The following RGS3 variants were observed in gnomAD, a reference collection of about 807,000 sequenced individuals.
The protein encoded by RGS3 is regulator of G-protein signalling 3.
Under a neutral mutation model 132.6 loss-of-function variants are expected in RGS3, and 80 were observed. The ratio of observed to expected loss-of-function variants is 0.60; its 90% CI spans 0.50 to 0.73. RGS3 has a LOEUF of 0.73. RGS3 is among the 30% of genes least tolerant of loss of function. RGS3 has a pLI of 0.00. For synonymous variants in RGS3, 598 were observed against 620.6 expected, an observed-to-expected ratio of 0.96 and a Z score of 0.54; for missense variants, 1,382 against 1,530.8, an observed-to-expected ratio of 0.90 and a Z score of 1.62.
chr9:113,510,635 T>C (rs1345072928), intron 14 of RGS3, among the ~76,000 whole-genome samples: 1 of 152,180 alleles, frequency 6.6e-6, no homozygotes, highest in Non-Finnish European at 1.5e-5. Flanking sequence ...GTCTCCCTTC[T>C]GTGCTCCCAG....
chr9:113,551,505 C>T (rs1182378171), intron 19 of RGS3, among the ~76,000 whole-genome samples: 3 of 152,128 alleles, frequency 2.0e-5, no homozygotes, highest in African/African-American at 7.2e-5. Context: ...ATAGCTGGGC[C>T]AAATGGTAAC....
intron 19 of RGS3, among the ~76,000 whole-genome samples, chr9:113,563,758 T>C (rs1489879441): frequency 1.3e-5 from 2 of 152,096 alleles, no homozygotes; most frequent in African/African-American, 4.8e-5. Flanking sequence ...ATAAAGAATG[T>C]TTTCTTGTAG....
intron 6 of RGS3, among the ~76,000 whole-genome samples, chr9:113,485,233 G>A (rs1473870112): frequency 3.3e-5 from 5 of 152,112 alleles, no homozygotes; most frequent in South Asian, 2.1e-4. Context: ...GACTACAGGC[G>A]CCTGCCGCCA....
chr9:113,464,619 G>A (rs1424015686), intron 3 of RGS3, among the ~76,000 whole-genome samples: 2 of 152,222 alleles, frequency 1.3e-5, no homozygotes, highest in African/African-American at 2.4e-5. Flanking sequence ...GCAACTCTCT[G>A]TGGAGAGGGG....
At chr9:113,485,336 A>G (rs1830299332) in intron 6 of RGS3, among the ~76,000 whole-genome samples, 1 of 151,542 alleles carries the variant, frequency 6.6e-6, no homozygotes, top group Admixed American at 6.6e-5. Context: ...TGATCCGCCC[A>G]CCTCTGTCTC....
At chr9:113,514,324 G>A (rs768926611) in intron 14 of RGS3, 134 bp from the exon 13 acceptor site, 11 of 773,926 alleles carry the variant, frequency 1.4e-5, no homozygotes, top group Non-Finnish European at 1.9e-5. Context: ...AGCATCGTGC[G>A]CAGGGCCTGG....
At position 113,463,833 on chromosome 9, in the gene RGS3, G is replaced by A. The variant is rs750280855; in HGVS notation, c.415+1632G>A. 1.9e-6 allele frequency: 3 copies of A among 1,612,794 alleles called. No homozygotes were observed. Among genetic ancestry groups the A allele is most frequent in the East Asian group, 4.5e-5 (2 of 44,832 alleles). On this transcript the variant is annotated intron_variant, in intron 3 of 24. Coordinates refer to ENST00000350696, the Ensembl canonical transcript of RGS3. This position sits in a 1 kb window ranked among gnomAD's most constrained non-coding sequence, Gnocchi z 4.6. ...GCGCTCCCTGCACCGCGTCTCCCTCGGGAGCCGGCGTGCCCACCCGGACTT... is the reference window on the plus strand; with the variant it reads ...GCGCTCCCTGCACCGCGTCTCCCTCAGGAGCCGGCGTGCCCACCCGGACTT...
At chr9:113,594,129 A>C in intron 21 of RGS3, 1 of 1,612,988 alleles carries the variant, frequency 6.2e-7, no homozygotes. Context: ...CTGGGAGTCC[A>C]GTCATCAGGC....
intron 19 of RGS3, among the ~76,000 whole-genome samples, chr9:113,566,578 ACTT>A (rs1240481766): frequency 1.3e-5 from 2 of 152,202 alleles, no homozygotes; most frequent in Non-Finnish European, 2.9e-5. Flanking sequence ...AGGATAGAGA[ACTT>A]CTGCCTCCTA....
chr9:113,560,267 C>A (rs527476141), intron 19 of RGS3, among the ~76,000 whole-genome samples: 3 of 152,222 alleles, frequency 2.0e-5, no homozygotes, highest in African/African-American at 7.2e-5. Flanking sequence ...GGAAGGGGAA[C>A]GGGCTTACCC....
chr9:113,497,552 G>T, intron 9 of RGS3, 148 bp downstream of exon 7: 1 of 658,250 alleles, frequency 1.5e-6, no homozygotes, highest in Non-Finnish European at 2.6e-6. Context: ...AGGAGCACTT[G>T]CTAGAGTGCA....
chr9:113,590,502 A>G (rs1175801302), intron 20 of RGS3, among the ~76,000 whole-genome samples: 1 of 147,476 alleles, frequency 6.8e-6, no homozygotes, highest in Non-Finnish European at 1.5e-5. Flanking sequence ...CCACCCACCC[A>G]TATATTCATC....
chr9:113,536,590 C>T (rs1045526726), intron 18 of RGS3: 21 of 1,395,504 alleles, frequency 1.5e-5, no homozygotes, highest in South Asian at 8.7e-5. Flanking sequence ...GCCCACAGCT[C>T]GCCAGCTGGC....
chr9:113,524,021 G>A (rs1477299364), intron 17 of RGS3, among the ~76,000 whole-genome samples: 1 of 152,178 alleles, frequency 6.6e-6, no homozygotes, highest in Non-Finnish European at 1.5e-5. Context: ...GGAAAAGCAA[G>A]TCACCTCACT....
At chr9:113,498,972 A>G (rs1424112134) in intron 10 of RGS3, among the ~76,000 whole-genome samples, 1 of 151,606 alleles carries the variant, frequency 6.6e-6, no homozygotes, top group East Asian at 1.9e-4. Context: ...GATGCCTGTA[A>G]TACCAGCACT....
rs200930984 is a variant in RGS3, at chr9:113,596,754, C to G, written c.3412-14C>G. The G allele has an allele frequency of 1.2e-6, 2 of 1,600,394 alleles. No individual in the cohort carries two copies. The highest frequency in any genetic ancestry group is 1.7e-6 in the Non-Finnish European group (2 of 1,173,424). ...AGCAGGCAGCCCTGACCATGTCCCC[C>G]TCTGCCTCCCCAGGTCAACCTGGAC... On this transcript the variant is annotated splice_polypyrimidine_tract_variant and intron_variant, in intron 24 of 24. Coordinates refer to ENST00000350696, the Ensembl canonical transcript of RGS3.
chr9:113,581,023 G>T, intron 19 of RGS3: 1 of 958,558 alleles, frequency 1.0e-6, no homozygotes, highest in African/African-American at 1.8e-5. Context: ...GCTGGGCCAG[G>T]GGGTGGGTCG....
At chr9:113,476,178 G>T (rs1829988226) in intron 3 of RGS3, among the ~76,000 whole-genome samples, 1 of 152,190 alleles carries the variant, frequency 6.6e-6, no homozygotes, top group African/African-American at 2.4e-5. Flanking sequence ...GAATCTGAAG[G>T]TTGTGTTGGC....
intron 8 of RGS3, among the ~76,000 whole-genome samples, chr9:113,496,841 G>A (rs375909505): frequency 1.3e-5 from 2 of 152,066 alleles, no homozygotes; most frequent in African/African-American, 2.4e-5. Flanking sequence ...GTGAGCCACC[G>A]CGCCCGGTCT....
Sources: allele counts gnomAD v4.1 joint callset (sites outside exome capture counted in the v4.1 genomes callset), GRCh38; gene constraint gnomAD v4.1.1; non-coding constraint Gnocchi (gnomAD v3.1); transcripts MANE v1.5; gene names NCBI Gene and HGNC (gene_info 2026-07-23, HGNC 2026-07-21).